Variants in GRHL3 observed in about 807,000 individuals in gnomAD.
The protein encoded by GRHL3 is grainyhead-like protein 3 homolog.
GRHL3 carries 20 observed loss-of-function variants against 70.3 expected under a neutral mutation model. The ratio of observed to expected loss-of-function variants is 0.28; its 90% CI spans 0.20 to 0.41. The LOEUF is 0.41. Among genes scored for constraint, GRHL3 ranks in the 10% least tolerant of loss-of-function variants. The pLI is 1.00. For synonymous variants in GRHL3, 299 were observed against 299.9 expected, an observed-to-expected ratio of 1.00 and a Z score of 0.03; for missense variants, 637 against 762.3, an observed-to-expected ratio of 0.84 and a Z score of 1.94.
intron 1 of GRHL3, among the ~76,000 whole-genome samples, chr1:24,323,371 C>T (rs1639277529): frequency 6.6e-6 from 1 of 152,158 alleles, no homozygotes; most frequent in Non-Finnish European, 1.5e-5. Context: ...TTCACAGGCC[C>T]TCCAGGTGAT....
intron 1 of GRHL3, among the ~76,000 whole-genome samples, chr1:24,330,946 T>G (rs910901332): frequency 6.6e-6 from 1 of 152,262 alleles, no homozygotes; most frequent in African/African-American, 2.4e-5. Context: ...CTCTCTGTCA[T>G]AGACCACGCT....
intron 5 of GRHL3, 26 bp from the exon 6 acceptor site, chr1:24,337,610 C>T (rs1208708262): frequency 6.2e-7 from 1 of 1,612,866 alleles, no homozygotes; most frequent in East Asian, 2.2e-5. Context: ...AGCCCAGCCT[C>T]ACTGTCCTCT....
rs6702097 is a variant in GRHL3 at position 24,346,757 on chromosome 1, G to A, written c.1543+116G>A. The A allele has an allele frequency of 0.21, 156,844 of 755,852 alleles. 22,295 individuals are homozygous for A. The highest frequency in any genetic ancestry group is 0.6 in the African/African-American group (34,452 of 57,820). 46.8% of individuals were successfully genotyped at this position (755,852 alleles called of 1,614,324 possible). A position where few individuals can be genotyped will look rare whatever the true frequency, so the allele number is the denominator to read the frequency against. On this transcript the variant is annotated intron_variant, in intron 13 of 15. Coordinates refer to ENST00000361548, the MANE Select transcript of GRHL3 (RefSeq NM_198173.3). Reference sequence around the variant, plus strand: ...ACGAGGCGCTGCCTTACCCCTTGGAGCTAGGTTTAGGTTAAGACTTGGGGG... The same window carrying A: ...ACGAGGCGCTGCCTTACCCCTTGGAACTAGGTTTAGGTTAAGACTTGGGGG...
chr1:24,334,630 T>C lies in GRHL3; in HGVS notation c.205-15T>C. 1.9e-6 allele frequency: 3 copies of C among 1,607,156 alleles called. No individual in the cohort carries two copies. Among genetic ancestry groups the C allele is most frequent in the Middle Eastern group, 1.7e-4 (1 of 6,056 alleles). On this transcript the variant is annotated splice_polypyrimidine_tract_variant and intron_variant, in intron 2 of 15. Coordinates refer to ENST00000361548, the MANE Select transcript of GRHL3 (RefSeq NM_198173.3). This position sits in a 1 kb window ranked among gnomAD's most constrained non-coding sequence, Gnocchi z 4.3. ...AGCTTAGCCATGCATAAATCCTTCC[T>C]TTCTCTCTTCTCAGGGTCCCAAGGA...
At chr1:24,351,705 C>T (rs1166927372) in intron 15 of GRHL3, among the ~76,000 whole-genome samples, 1 of 152,160 alleles carries the variant, frequency 6.6e-6, no homozygotes, top group Non-Finnish European at 1.5e-5. Context: ...GGATGTTCCC[C>T]AGCCCCACTG....
In GRHL3 at chr1:24,342,839, G is replaced by A. The variant is rs1640098773; in HGVS notation, c.1286-53G>A. The stretch of plus-strand genomic sequence containing the variant: ...AAGGGGAGAAGGAGACCAGAGGTGG[G>A]AGGGACTTGAGTGGAGGGACCTCGG... On this transcript the variant is annotated intron_variant, in intron 10 of 15. Transcript: ENST00000361548. The surrounding 1 kb of genome is among the most constrained non-coding windows in gnomAD (Gnocchi z 4.8). 1.2e-6 allele frequency: 2 copies of A among 1,614,068 alleles called. No homozygotes were observed. Among genetic ancestry groups the A allele is most frequent in the Non-Finnish European group, 8.5e-7 (1 of 1,179,886 alleles).
At chr1:24,335,014 A>AACACAC (rs35646472) in intron 3 of GRHL3, among the ~76,000 whole-genome samples, 2,633 of 137,006 alleles carry the variant, frequency 0.019, 36 homozygotes, top group Admixed American at 0.029. Flanking sequence ...TCAGCTTGAA[A>AACACAC]ACACACACAC....
At chr1:24,326,345 C>T (rs1237418024) in intron 1 of GRHL3, among the ~76,000 whole-genome samples, 1 of 145,186 alleles carries the variant, frequency 6.9e-6, no homozygotes, top group African/African-American at 2.6e-5. Context: ...CTCTTCCCCT[C>T]CACCCCTCTT....
intron 1 of GRHL3, among the ~76,000 whole-genome samples, chr1:24,327,990 G>A (rs534557396): frequency 4.6e-5 from 7 of 152,314 alleles, no homozygotes; most frequent in African/African-American, 1.4e-4. Flanking sequence ...TTGGTGGCAG[G>A]AGCAGGCATG....
Position 24,331,512 on chromosome 1 carries a change from A to G in GRHL3, c.104A>G (p.Tyr35Cys), listed in dbSNP as rs1247351011. The G allele has an allele frequency of 1.2e-6, 2 of 1,614,034 alleles. No individual in the cohort carries two copies. Among genetic ancestry groups the G allele is most frequent in the Non-Finnish European group, 1.7e-6 (2 of 1,180,024 alleles). ...AGTGAGGATGAGGCCTGGAAGACGTACCTAGAAAACCCGTTGACAGCTGCC... is the reference window on the plus strand; with the variant it reads ...AGTGAGGATGAGGCCTGGAAGACGTGCCTAGAAAACCCGTTGACAGCTGCC... ...YTSEDEAWKT[Y>C]LENPLTAATK... Residue 35 changes from tyrosine to cysteine, a missense_variant, in exon 2 of 16, where the codon TAC (tyrosine) becomes TGC (cysteine). Physicochemically the swap from Tyr to Cys is radical, Grantham distance 194. Coordinates refer to ENST00000361548, the MANE Select transcript of GRHL3 (RefSeq NM_198173.3).
At chr1:24,325,760 G>A (rs1639365794) in intron 1 of GRHL3, among the ~76,000 whole-genome samples, 1 of 151,924 alleles carries the variant, frequency 6.6e-6, no homozygotes. Flanking sequence ...ACTGGCCCCG[G>A]CAATTTGCAC....
chr1:24,337,019 C>A (rs1207114419), intron 4 of GRHL3, 59 bp from the exon 5 acceptor site: 28 of 1,532,556 alleles, frequency 1.8e-5, no homozygotes, highest in Non-Finnish European at 2.4e-5. Context: ...CAGCCCTGGG[C>A]TGAGGCTTCC....
intron 15 of GRHL3, among the ~76,000 whole-genome samples, chr1:24,351,962 T>C (rs1640530235): frequency 6.6e-6 from 1 of 152,154 alleles, no homozygotes. Context: ...TTCTAAAGCC[T>C]GTACAGGCAT....
downstream of GRHL3, among the ~76,000 whole-genome samples, chr1:24,356,490 C>T (rs1038348373): frequency 1.3e-5 from 2 of 152,172 alleles, no homozygotes; most frequent in Non-Finnish European, 2.9e-5. Context: ...CCACCCACCT[C>T]GGCCTCCCAA....
Position 24,321,103 on chromosome 1 carries a change from T to G in GRHL3, c.17+1535T>G, listed in dbSNP as rs1214582538. Among the ~76,000 whole-genome samples the G allele has an allele frequency of 6.6e-6, 1 of 152,246 alleles. No individual in the cohort carries two copies. Among genetic ancestry groups the G allele is most frequent in the Non-Finnish European group, 1.5e-5 (1 of 68,052 alleles). ...AAAAAAATCTTGACATGTGTCTCCA[T>G]CCCACTTAAATTTGCTGGCTAAAAC... On this transcript the variant is annotated intron_variant, in intron 1 of 15. Coordinates refer to ENST00000361548, the MANE Select transcript of GRHL3 (RefSeq NM_198173.3). The surrounding 1 kb of genome is among the most constrained non-coding windows in gnomAD (Gnocchi z 4.0).
intron 15 of GRHL3, among the ~76,000 whole-genome samples, chr1:24,362,546 C>T (rs567686639): frequency 6.6e-6 from 1 of 152,190 alleles, no homozygotes; most frequent in South Asian, 2.1e-4. Context: ...TTACAATGAA[C>T]AGAGAAAAGG....
chr1:24,332,397 A>C (rs147748430), intron 2 of GRHL3, among the ~76,000 whole-genome samples: 1 of 152,142 alleles, frequency 6.6e-6, no homozygotes, highest in Non-Finnish European at 1.5e-5. Flanking sequence ...AGGTCCTCCC[A>C]TATCTGATAA....
rs34593559 is a variant in GRHL3 at position 24,337,749 on chromosome 1, C to G, written c.800C>G (p.Ala267Gly). Reference protein sequence around the residue: ...QFYPVTLRTPAGGKGLALSSN... With the variant: ...QFYPVTLRTPGGGKGLALSSN... ...TACCCCGTCACCCTGCGGACCCCAG[C>G]AGGTGGCAAAGGCCTTGCCTTGTCC... is the stretch of plus-strand genomic sequence containing the variant. The change falls in exon 6 of 16, where the codon GCA becomes GGA. Residue 267 changes from alanine to glycine, a missense_variant. Ala to Gly is a moderately conservative substitution (Grantham distance 60). Around this residue, in one of 2 missense-constraint regions of GRHL3, gnomAD observed 387 missense variants for 513.8 expected, o/e 0.75. Coordinates refer to ENST00000361548, the MANE Select transcript of GRHL3 (RefSeq NM_198173.3). 3,540 of 1,614,258 alleles carry G rather than the reference C, an allele frequency of 2.2e-3. 39 individuals carry two copies. The African/African-American group carries it at 0.024, about 11-fold the overall frequency.
chr1:24,354,504 C>G lies in GRHL3; in HGVS notation c.*16C>G. 6.6e-7 allele frequency: 1 copy of G among 1,526,260 alleles called. No individual in the cohort carries two copies. Among genetic ancestry groups the G allele is most frequent in the Non-Finnish European group, 9.1e-7 (1 of 1,100,270 alleles). The allele number at this position is 1,526,260 out of a possible 1,614,324, so 94.5% of individuals were successfully genotyped here. A position where few individuals can be genotyped will look rare whatever the true frequency, so the allele number is the denominator to read the frequency against. On this transcript the variant is annotated 3_prime_UTR_variant, in exon 16 of 16. Transcript: ENST00000361548. ...GGAGCTGTAAGGCCTCTCGAGCATC[C>G]AAACCCTCACGACCTGCAAGGGGCC...
Sources: allele counts gnomAD v4.1 joint callset (sites outside exome capture counted in the v4.1 genomes callset), GRCh38; gene constraint gnomAD v4.1.1; regional missense constraint gnomAD v4.1.1; non-coding constraint Gnocchi (gnomAD v3.1); transcripts MANE v1.5; gene names NCBI Gene and HGNC (gene_info 2026-07-23, HGNC 2026-07-21).